Variants in SPOCK1 observed in about 807,000 individuals in gnomAD.
SPOCK1 encodes the protein testican-1.
SPOCK1 carries 23 observed loss-of-function variants against 55.3 expected under a neutral mutation model. The ratio of observed to expected loss-of-function variants is 0.42; its 90% CI spans 0.30 to 0.59. The LOEUF (loss-of-function observed/expected upper bound fraction) is 0.59. SPOCK1 is among the 20% of genes least tolerant of loss of function. The pLI is 0.22. For synonymous variants in SPOCK1, 226 were observed against 221.0 expected, an observed-to-expected ratio of 1.02 and a Z score of -0.20; for missense variants, 499 against 552.5, an observed-to-expected ratio of 0.90 and a Z score of 0.97.
At chr5:137,104,759 T>G (rs1448403620) in intron 5 of SPOCK1, among the ~76,000 whole-genome samples, 1 of 152,194 alleles carries the variant, frequency 6.6e-6, no homozygotes, top group African/African-American at 2.4e-5. Flanking sequence ...CCCCATCTAG[T>G]TGTAGGAAAA....
intron 2 of SPOCK1, among the ~76,000 whole-genome samples, chr5:137,329,926 A>G (rs1039144194): frequency 3.2e-4 from 48 of 152,076 alleles, no homozygotes; most frequent in African/African-American, 1.1e-3. Flanking sequence ...CCTGTCTCTC[A>G]TTTACAAGAC....
intron 2 of SPOCK1, among the ~76,000 whole-genome samples, chr5:137,334,766 G>A (rs372466704): frequency 1.4e-4 from 21 of 152,122 alleles, no homozygotes; most frequent in Non-Finnish European, 2.5e-4. Flanking sequence ...CCTCTTGCCC[G>A]AGGAGAAACA....
chr5:137,099,790 C>A (rs75364060), intron 5 of SPOCK1, among the ~76,000 whole-genome samples: 2 of 152,038 alleles, frequency 1.3e-5, no homozygotes, highest in East Asian at 1.9e-4. Flanking sequence ...TGTATCCAGT[C>A]AACGGAAAGG....
At chr5:137,324,360 G>A (rs918022682) in intron 2 of SPOCK1, among the ~76,000 whole-genome samples, 1 of 152,172 alleles carries the variant, frequency 6.6e-6, no homozygotes, top group Non-Finnish European at 1.5e-5. Flanking sequence ...CAGGAGAGTC[G>A]CTTGAACCCG....
intron 2 of SPOCK1, among the ~76,000 whole-genome samples, chr5:137,470,581 T>C (rs1753718314): frequency 6.6e-6 from 1 of 152,138 alleles, no homozygotes; most frequent in African/African-American, 2.4e-5. Context: ...CCTGAAGTGG[T>C]CAACCATCTC....
intron 6 of SPOCK1, among the ~76,000 whole-genome samples, chr5:137,005,448 G>T (rs1450042694): frequency 2.6e-5 from 4 of 151,958 alleles, no homozygotes; most frequent in Non-Finnish European, 5.9e-5. Context: ...ACACTTAGCA[G>T]AAAGATGGAA....
chr5:137,259,840 A>G (rs1756712658), intron 3 of SPOCK1, among the ~76,000 whole-genome samples: 1 of 152,162 alleles, frequency 6.6e-6, no homozygotes, highest in African/African-American at 2.4e-5. Flanking sequence ...TTCTGTAGGA[A>G]GAGACTTCTT....
chr5:137,414,681 A>G (rs1477358257), intron 2 of SPOCK1, among the ~76,000 whole-genome samples: 4 of 152,174 alleles, frequency 2.6e-5, no homozygotes, highest in African/African-American at 9.7e-5. Context: ...TATTAATAAC[A>G]TTGCTGGGAA....
At chr5:137,291,402 G>A (rs1459965669) in intron 2 of SPOCK1, among the ~76,000 whole-genome samples, 2 of 152,214 alleles carry the variant, frequency 1.3e-5, no homozygotes, top group African/African-American at 4.8e-5. Flanking sequence ...CACAGCCAGG[G>A]AGGGGCACAG....
chr5:137,416,102 A>C (rs1752321653), intron 2 of SPOCK1, among the ~76,000 whole-genome samples: 1 of 152,144 alleles, frequency 6.6e-6, no homozygotes, highest in Non-Finnish European at 1.5e-5. Flanking sequence ...ACAATAGAAA[A>C]GGAAAAGAAC....
intron 6 of SPOCK1, among the ~76,000 whole-genome samples, chr5:137,061,454 A>G (rs1156579066): frequency 6.6e-6 from 1 of 152,074 alleles, no homozygotes; most frequent in East Asian, 1.9e-4. Flanking sequence ...ACTGTAGACT[A>G]TTTTTCTACT....
intron 2 of SPOCK1, among the ~76,000 whole-genome samples, chr5:137,473,079 G>A (rs1753768414): frequency 6.6e-6 from 1 of 152,204 alleles, no homozygotes; most frequent in African/African-American, 2.4e-5. Context: ...TGCTTCTGCT[G>A]TGACCCAGCA....
intron 4 of SPOCK1, among the ~76,000 whole-genome samples, chr5:137,116,810 C>T (rs1468433341): frequency 6.6e-6 from 1 of 152,122 alleles, no homozygotes; most frequent in Non-Finnish European, 1.5e-5. Flanking sequence ...ATTTTTGCTC[C>T]AGCCACTCTC....
At chr5:137,037,370 T>C (rs898510113) in intron 6 of SPOCK1, among the ~76,000 whole-genome samples, 1 of 150,174 alleles carries the variant, frequency 6.7e-6, no homozygotes, top group South Asian at 2.2e-4. Context: ...ACATACTAGA[T>C]AGATGGATTA....
intron 3 of SPOCK1, among the ~76,000 whole-genome samples, chr5:137,231,370 C>T (rs1050940927): frequency 3.3e-5 from 5 of 152,118 alleles, no homozygotes; most frequent in Admixed American, 1.3e-4. Context: ...TATAACCCAC[C>T]CACCTTCCTG....
intron 2 of SPOCK1, among the ~76,000 whole-genome samples, chr5:137,409,018 AAC>A (rs1752157470): frequency 6.6e-6 from 1 of 152,062 alleles, no homozygotes; most frequent in African/African-American, 2.4e-5. Context: ...CCCTTCCCCA[AAC>A]ACACATTTTA....
At chr5:137,475,997 C>A (rs1052015443) in intron 2 of SPOCK1, among the ~76,000 whole-genome samples, 15 of 150,372 alleles carry the variant, frequency 1.0e-4, no homozygotes, top group African/African-American at 3.7e-4. Context: ...TAGACTTCTA[C>A]CTTGGGGTAA....
chr5:137,361,634 TA>T (rs1402301518), intron 2 of SPOCK1, among the ~76,000 whole-genome samples: 2 of 152,368 alleles, frequency 1.3e-5, no homozygotes, highest in Non-Finnish European at 2.9e-5. Context: ...GGAAATATGC[TA>T]AAAAATGCTA....
At chr5:137,019,694 A>C (rs1751530012) in intron 6 of SPOCK1, among the ~76,000 whole-genome samples, 2 of 152,190 alleles carry the variant, frequency 1.3e-5, no homozygotes, top group South Asian at 4.1e-4. Context: ...GATATTTTGC[A>C]ACAAACAGAC....
Sources: allele counts gnomAD v4.1 joint callset (sites outside exome capture counted in the v4.1 genomes callset), GRCh38; gene constraint gnomAD v4.1.1; transcripts MANE v1.5; gene names NCBI Gene and HGNC (gene_info 2026-07-23, HGNC 2026-07-21).